CARS1: variants seen among roughly 807,000 people sequenced by gnomAD.
The protein encoded by CARS1 is cysteinyl-tRNA synthetase 1.
In CARS1, 48 loss-of-function variants were observed where a neutral mutation model predicts 106.2. That is an observed-to-expected ratio of 0.45 (90% CI 0.36 to 0.57). The LOEUF is 0.57. Among genes scored for constraint, CARS1 ranks in the 20% least tolerant of loss-of-function variants. CARS1 has a pLI of 0.00. For missense variants in CARS1, 968 were observed against 1,057.2 expected, an observed-to-expected ratio of 0.92 and a Z score of 1.17; for synonymous variants, 409 against 403.4, an observed-to-expected ratio of 1.01 and a Z score of -0.17.
chr11:3,025,146 A>T (rs1167219143), intron 10 of CARS1, among the ~76,000 whole-genome samples: 1 of 152,038 alleles, frequency 6.6e-6, no homozygotes, highest in Non-Finnish European at 1.5e-5. Flanking sequence ...ACAAACCCGG[A>T]GCCTGAAATG....
rs749249843 is a variant in CARS1 at position 3,057,352 on chromosome 11, C to G, written c.16G>C (p.Gly6Arg). Residue 6 changes from glycine (G) to arginine (R), a missense_variant, in exon 1 of 23, where the codon GGG becomes CGG. Physicochemically the swap from Gly to Arg is moderately radical, Grantham distance 125. Coordinates refer to ENST00000380525, the MANE Select transcript of CARS1 (RefSeq NM_001014437.3). MADSS[G>R]QQAPDYRSIL... The stretch of plus-strand genomic sequence containing the variant: ...CGGCCGCGCCGCTCACCCTGCTGCC[C>G]GGAGGAATCTGCCATGGCTGGGAAT... The G allele has an allele frequency of 1.9e-6, 3 of 1,610,694 alleles. No homozygotes were observed. The highest frequency in any genetic ancestry group is 1.7e-6 in the Non-Finnish European group (2 of 1,178,962).
At chr11:3,036,609 T>C (rs1421941047) in intron 7 of CARS1, among the ~76,000 whole-genome samples, 1 of 152,128 alleles carries the variant, frequency 6.6e-6, no homozygotes, top group Admixed American at 6.5e-5. Context: ...GCAGAAACAA[T>C]ACGGTGGTTA....
chr11:3,005,496 A>AGACCTGCCCT, intron 19 of CARS1, 63 bp from the exon 20 acceptor site: 2 of 1,305,358 alleles, frequency 1.5e-6, no homozygotes, highest in Non-Finnish European at 2.2e-6. Flanking sequence ...CTGCGGGGCC[A>AGACCTGCCCT]GCCCTGCCCT....
Position 3,044,696 on chromosome 11 carries a change from G to A in CARS1, c.275-2440C>T, listed in dbSNP as rs984640075. On this transcript the variant is annotated intron_variant, in intron 2 of 22. Coordinates refer to ENST00000380525, the MANE Select transcript of CARS1 (RefSeq NM_001014437.3). The surrounding 1 kb of genome is among the most constrained non-coding windows in gnomAD (Gnocchi z 4.4). ...AGGTGTGAGCCACCGCGCCTGGCCT[G>A]TGCTTTTGTTTCTTTGGAAAAAATG... Among the ~76,000 whole-genome samples, 2 of 151,640 alleles carry A rather than the reference G, an allele frequency of 1.3e-5. No individual in the cohort carries two copies. The highest frequency in any genetic ancestry group is 2.9e-5 in the Non-Finnish European group (2 of 67,968).
chr11:3,032,060 CTCCT>C (rs1217924867), intron 7 of CARS1, among the ~76,000 whole-genome samples: 5,144 of 19,080 alleles, frequency 0.27, 1,278 homozygotes, highest in African/African-American at 0.29. Context: ...CCCTCCCTCC[CTCCT>C]TCCTTCCTTC....
chr11:3,007,064 A>C (rs530222286), intron 18 of CARS1, 105 bp from the exon 19 acceptor site: 2 of 895,710 alleles, frequency 2.2e-6, no homozygotes, highest in Non-Finnish European at 3.6e-6. Flanking sequence ...CCCACAGAAC[A>C]AGTGCCTCCT....
Position 3,050,770 on chromosome 11 carries a change from G to T in CARS1, c.26-2769C>A, listed in dbSNP as rs568704857. ...AGGCCCCTTAATCCTTCACAGCTCT[G>T]CTAGGTGCCGGCTTCCCCACCAGGT... On this transcript the variant is annotated intron_variant, in intron 1 of 22. Transcript: ENST00000380525. The surrounding 1 kb of genome is among the most constrained non-coding windows in gnomAD (Gnocchi z 6.3). 7.2e-5 allele frequency among the ~76,000 whole-genome samples: 11 copies of T among 152,228 alleles called. No homozygotes were observed. Among genetic ancestry groups the T allele is most frequent in the African/African-American group, 2.6e-4 (11 of 41,530 alleles).
In CARS1 at chr11:3,022,656, A is replaced by G. The variant is rs1032576540; in HGVS notation, c.1154-2324T>C. Among the ~76,000 whole-genome samples the G allele has an allele frequency of 3.9e-5, 6 of 152,148 alleles. No homozygotes were observed. The highest frequency in any genetic ancestry group is 1.4e-4 in the African/African-American group (6 of 41,428). ...TGAGTGTTTCTAGCTTTGACCCTAC[A>G]AGCATGTTCATACCAGCACAACAGG... On this transcript the variant is annotated intron_variant, in intron 10 of 22. Coordinates refer to ENST00000380525, the MANE Select transcript of CARS1 (RefSeq NM_001014437.3). The surrounding 1 kb of genome is among the most constrained non-coding windows in gnomAD (Gnocchi z 4.9).
intron 9 of CARS1, chr11:3,027,738 C>T (rs1852244800): frequency 2.3e-6 from 1 of 430,714 alleles, no homozygotes; most frequent in South Asian, 1.6e-5. Flanking sequence ...TATGCCCGGA[C>T]ACGGCCACCA....
In CARS1 at chr11:3,046,416, C is replaced by A. The variant is rs150120335; in HGVS notation, c.274+1337G>T. 1.3e-5 allele frequency among the ~76,000 whole-genome samples: 2 copies of A among 152,286 alleles called. No homozygotes were observed. Among genetic ancestry groups the A allele is most frequent in the East Asian group, 3.9e-4 (2 of 5,164 alleles). ...CCCTTGGAGAGAAGGCACCTCACAG[C>A]ACAGGTGTCACTTGGGTGACCGCGC... On this transcript the variant is annotated intron_variant, in intron 2 of 22. Coordinates refer to ENST00000380525, the MANE Select transcript of CARS1 (RefSeq NM_001014437.3). This position sits in a 1 kb window ranked among gnomAD's most constrained non-coding sequence, Gnocchi z 5.8.
Position 3,038,811 on chromosome 11 carries a change from A to T in CARS1, c.651+383T>A, listed in dbSNP as rs1228792005. On this transcript the variant is annotated intron_variant, in intron 6 of 22. Transcript: ENST00000380525. This position sits in a 1 kb window ranked among gnomAD's most constrained non-coding sequence, Gnocchi z 4.0. ...TGAAAATTTACAGTATTACCAAATTAAAAAGCTTAGTATAGCTTTTGTATC... is the reference window on the plus strand; with the variant it reads ...TGAAAATTTACAGTATTACCAAATTTAAAAGCTTAGTATAGCTTTTGTATC... Among the ~76,000 whole-genome samples the T allele has an allele frequency of 6.6e-6, 1 of 152,268 alleles. No homozygotes were observed. The highest frequency in any genetic ancestry group is 1.5e-5 in the Non-Finnish European group (1 of 68,052).
intron 2 of CARS1, chr11:3,042,475 A>G: frequency 1.9e-6 from 1 of 538,122 alleles, no homozygotes; most frequent in East Asian, 3.2e-5. Flanking sequence ...CCCAGGCCAG[A>G]GTGCAGTGGT....
intron 17 of CARS1, among the ~76,000 whole-genome samples, chr11:3,013,434 G>A (rs1419692815): frequency 3.9e-5 from 6 of 152,226 alleles, no homozygotes; most frequent in Non-Finnish European, 7.3e-5. Context: ...TTACAGGCGT[G>A]AGCCACCATG....
At position 3,040,576 on chromosome 11, in the gene CARS1, C is replaced by A. The variant is rs1259681725; in HGVS notation, c.455+320G>T. On this transcript the variant is annotated intron_variant, in intron 4 of 22. Coordinates refer to ENST00000380525, the MANE Select transcript of CARS1 (RefSeq NM_001014437.3). The surrounding 1 kb of genome is among the most constrained non-coding windows in gnomAD (Gnocchi z 5.8). ...GGGAACTCAGCATCTGGGGACCCCACGAGAGCTTGAGGGATGAGAGAAAAC... is the reference window on the plus strand; with the variant it reads ...GGGAACTCAGCATCTGGGGACCCCAAGAGAGCTTGAGGGATGAGAGAAAAC... 3.8e-6 allele frequency: 2 copies of A among 522,786 alleles called. No individual in the cohort carries two copies. Among genetic ancestry groups the A allele is most frequent in the Non-Finnish European group, 7.4e-6 (2 of 271,180 alleles). The allele number at this position is 522,786 out of a possible 1,614,324, so 32.4% of individuals were successfully genotyped here.
At chr11:3,014,028 T>C (rs1012343043) in intron 17 of CARS1, among the ~76,000 whole-genome samples, 1 of 152,152 alleles carries the variant, frequency 6.6e-6, no homozygotes, top group Admixed American at 6.5e-5. Context: ...CCAAGCTCCC[T>C]GAGACCCAAT....
In CARS1 at chr11:3,017,237, T is replaced by C. The variant is rs1200281576; in HGVS notation, c.1786A>G (p.Thr596Ala). The C allele has an allele frequency of 6.2e-7, 1 of 1,614,016 alleles. No individual in the cohort carries two copies. Among genetic ancestry groups the C allele is most frequent in the Non-Finnish European group, 8.5e-7 (1 of 1,180,000 alleles). ...KALCDNVDTR[T>A]VMEEMRALVS... ...AAGGCCCGCATCTCTTCCATGACGGTGCGGGTGTCAACATTGTCACAGAGG... is the reference window on the plus strand; with the variant it reads ...AAGGCCCGCATCTCTTCCATGACGGCGCGGGTGTCAACATTGTCACAGAGG... The change falls in exon 16 of 23, where the codon ACC becomes GCC. Residue 596 changes from threonine to alanine, a missense_variant. Transcript: ENST00000380525. This position sits in a 1 kb window ranked among gnomAD's most constrained non-coding sequence, Gnocchi z 4.9.
intron 7 of CARS1, among the ~76,000 whole-genome samples, chr11:3,035,122 T>TA (rs1853446814): frequency 1.3e-5 from 2 of 152,180 alleles, no homozygotes; most frequent in African/African-American, 2.4e-5. Flanking sequence ...TAAAAGGCCT[T>TA]ACCTCTTAAT....
At position 3,048,150 on chromosome 11, in the gene CARS1, C is replaced by T. The variant is rs921447315; in HGVS notation, c.26-149G>A. 4 of 970,060 alleles carry T rather than the reference C, an allele frequency of 4.1e-6. No homozygotes were observed. Among genetic ancestry groups the T allele is most frequent in the Admixed American group, 5.5e-5 (2 of 36,258 alleles). The allele number at this position is 970,060 out of a possible 1,614,324, so 60.1% of individuals were successfully genotyped here. A position where few individuals can be genotyped will look rare whatever the true frequency, so the allele number is the denominator to read the frequency against. On this transcript the variant is annotated intron_variant, in intron 1 of 22. Transcript: ENST00000380525. The surrounding 1 kb of genome is among the most constrained non-coding windows in gnomAD (Gnocchi z 5.1). ...GCCAAACATCCAGAACAGGCAAAGG[C>T]ACAGGGGCAGCGCTTCGACTGGGGG...
rs1020940379 is a variant in CARS1 at position 3,038,021 on chromosome 11, G to A, written c.801+29C>T. ...CACGGCCCGACATTTGACCCGAACGGGCTGTCTGGGAGATGTGTGAAGCCT... is the reference window on the plus strand; with the variant it reads ...CACGGCCCGACATTTGACCCGAACGAGCTGTCTGGGAGATGTGTGAAGCCT... On this transcript the variant is annotated intron_variant, in intron 7 of 22. Transcript: ENST00000380525. The surrounding 1 kb of genome is among the most constrained non-coding windows in gnomAD (Gnocchi z 4.0). 2 of 1,598,360 alleles carry A rather than the reference G, an allele frequency of 1.3e-6. No homozygotes were observed. The highest frequency in any genetic ancestry group is 3.4e-5 in the Admixed American group (2 of 58,720).
Sources: gnomAD v4.1 joint callset for allele counts (sites outside exome capture counted in the v4.1 genomes callset) on GRCh38, gnomAD v4.1.1 for gene constraint, Gnocchi (gnomAD v3.1) non-coding constraint, MANE v1.5 for transcripts, NCBI Gene and HGNC (gene_info 2026-07-23, HGNC 2026-07-21) for gene names.